HMCN1: variants seen among roughly 807,000 people sequenced by gnomAD.
The protein encoded by HMCN1 is hemicentin-1.
A neutral mutation model predicts 625.9 loss-of-function variants in HMCN1; 321 were observed. The observed-to-expected ratio is 0.51, with a 90% CI of 0.47 to 0.56. HMCN1 has a LOEUF of 0.56. HMCN1 is among the 20% of genes least tolerant of loss of function. The probability of loss-of-function intolerance (pLI) is 0.00; values close to 1 mark genes in which losing one functional copy is unlikely to be tolerated. For missense variants in HMCN1, 6,588 were observed against 6,887.3 expected, an observed-to-expected ratio of 0.96 and a Z score of 1.54; for synonymous variants, 2,425 against 2,417.6, an observed-to-expected ratio of 1.00 and a Z score of -0.09.
chr1:186,116,955 C>T (rs761824820), intron 75 of HMCN1, 39 bp from the exon 76 acceptor site: 2 of 1,608,754 alleles, frequency 1.2e-6, no homozygotes, highest in Non-Finnish European at 8.5e-7. Context: ...TTATGAAAAC[C>T]TACATATAGT....
intron 65 of HMCN1, 26 bp downstream of exon 65, chr1:186,093,284 T>G: frequency 2.5e-6 from 4 of 1,613,124 alleles, no homozygotes; most frequent in Non-Finnish European, 3.4e-6. Flanking sequence ...CCCCCTCTTT[T>G]GATGATGCTG....
Position 186,122,968 on chromosome 1 carries a change from C to G in HMCN1, c.12247C>G (p.Pro4083Ala). 1 of 1,613,852 alleles carries G rather than the reference C, an allele frequency of 6.2e-7. No homozygotes were observed. The highest frequency in any genetic ancestry group is 8.5e-7 in the Non-Finnish European group (1 of 1,179,972). The stretch of plus-strand genomic sequence containing the variant: ...TATTTTAGTTCCTCCAGTCATTAGC[C>G]CTCATCTAAAGGAATATGTTATTGC... ...LNVQVPPVIS[P>A]HLKEYVIAVD... Residue 4083 changes from proline to alanine, a missense_variant, in exon 81 of 107, where the codon CCT (proline) becomes GCT (alanine). By Grantham distance (27) the Pro-to-Ala change is conservative. Around this residue, in one of 3 missense-constraint regions of HMCN1, gnomAD observed 1,954 missense variants for 2,013.1 expected, o/e 0.97. Coordinates refer to ENST00000271588, the MANE Select transcript of HMCN1 (RefSeq NM_031935.3).
Position 186,179,109 on chromosome 1 carries a change from C to T in HMCN1, c.16294+343C>T, listed in dbSNP as rs576607962. Reference sequence around the variant, plus strand: ...AGAGGATGTAAATATTGCCACATAACGTAATGCCATCAGATTATGGCCACA... The same window carrying T: ...AGAGGATGTAAATATTGCCACATAATGTAATGCCATCAGATTATGGCCACA... On this transcript the variant is annotated intron_variant, in intron 104 of 106. Coordinates refer to ENST00000271588, the MANE Select transcript of HMCN1 (RefSeq NM_031935.3). 1.1e-4 allele frequency among the ~76,000 whole-genome samples: 16 copies of T among 152,156 alleles called. No individual in the cohort carries two copies. The East Asian group carries it at 1.2e-3, about 11-fold the overall frequency.
At chr1:186,018,057 T>G in intron 33 of HMCN1, 126 bp from the exon 34 acceptor site, 1 of 883,310 alleles carries the variant, frequency 1.1e-6, no homozygotes, top group Non-Finnish European at 1.8e-6. Flanking sequence ...CTTTTTCATT[T>G]ACAATTTATT....
chr1:186,087,692 G>A, intron 60 of HMCN1, 47 bp downstream of exon 60: 1 of 1,558,140 alleles, frequency 6.4e-7, no homozygotes, highest in South Asian at 1.1e-5. Context: ...TTGGTGGGGT[G>A]GTGGAAAAGA....
rs868851615 is a variant in HMCN1 at position 186,088,618 on chromosome 1, C to T, written c.9590C>T (p.Ser3197Leu). The change falls in exon 63 of 107, where the codon TCA becomes TTA. Residue 3197 changes from serine to leucine, a missense_variant. Ser to Leu is a moderately radical substitution (Grantham distance 145, BLOSUM62 -2). Transcript: ENST00000271588. The stretch of plus-strand genomic sequence containing the variant: ...TTTCTACCTCTAGAAAATTCTGACT[C>T]ACTGGAAGTTCGTATTTTGTCTGGA... The part of the protein sequence containing the change: ...KNHKRIENSD[S>L]LEVRILSGGS... 6.2e-7 allele frequency: 1 copy of T among 1,611,654 alleles called. No homozygotes were observed. The highest frequency in any genetic ancestry group is 8.5e-7 in the Non-Finnish European group (1 of 1,178,622).
chr1:186,086,180 T>C lies in HMCN1; in HGVS notation c.8885-66T>C, dbSNP rs556969354. 1.3e-5 allele frequency: 19 copies of C among 1,417,296 alleles called. No homozygotes were observed. In the East Asian group the frequency reaches 4.1e-4, roughly 31 times the overall value. The allele number at this position is 1,417,296 out of a possible 1,614,324, so 87.8% of individuals were successfully genotyped here. On this transcript the variant is annotated intron_variant, in intron 57 of 106. Coordinates refer to ENST00000271588, the MANE Select transcript of HMCN1 (RefSeq NM_031935.3). ...TAGCAGAGTACAGTGGTTGGATTTA[T>C]ATTTAGTAAATGGGAATATATGTTG...
chr1:185,770,670 T>C (rs1307172536), intron 1 of HMCN1, among the ~76,000 whole-genome samples: 1 of 152,208 alleles, frequency 6.6e-6, no homozygotes, highest in Non-Finnish European at 1.5e-5. Flanking sequence ...GTTTCTAAGT[T>C]ATGGCAGTGT....
chr1:185,906,172 ACTT>A, intron 4 of HMCN1, among the ~76,000 whole-genome samples: 1 of 151,916 alleles, frequency 6.6e-6, no homozygotes, highest in Admixed American at 6.6e-5. Flanking sequence ...CAGAAACTGC[ACTT>A]ATGGTACATT....
intron 11 of HMCN1, among the ~76,000 whole-genome samples, chr1:185,945,245 T>C (rs1668277223): frequency 6.6e-6 from 1 of 152,242 alleles, no homozygotes; most frequent in South Asian, 2.1e-4. Flanking sequence ...ATGAGATCTT[T>C]ATTTATGCTA....
chr1:186,158,501 G>A (rs1488297660), intron 97 of HMCN1, among the ~76,000 whole-genome samples: 1 of 152,180 alleles, frequency 6.6e-6, no homozygotes, highest in African/African-American at 2.4e-5. Context: ...TAGACATGAA[G>A]TCCTTGCCTG....
At chr1:185,838,891 C>G (rs901362536) in intron 1 of HMCN1, among the ~76,000 whole-genome samples, 2 of 152,118 alleles carry the variant, frequency 1.3e-5, no homozygotes, top group Non-Finnish European at 2.9e-5. Flanking sequence ...TGAATTGAAG[C>G]AAGTATTTAG....
At chr1:185,896,995 G>C (rs1665529164) in intron 4 of HMCN1, among the ~76,000 whole-genome samples, 2 of 152,046 alleles carry the variant, frequency 1.3e-5, no homozygotes, top group African/African-American at 4.8e-5. Context: ...GATGCCTCTT[G>C]AACCAACTTT....
Position 186,144,721 on chromosome 1 carries a change from T to A in HMCN1, c.14266+18T>A. On this transcript the variant is annotated intron_variant, in intron 91 of 106. Coordinates refer to ENST00000271588, the MANE Select transcript of HMCN1 (RefSeq NM_031935.3). Reference sequence around the variant, plus strand: ...TTGCCCAAGTGAGTGTTGGAAATAGTGAGTCAACATTATACTTTCATAAAG... The same window carrying A: ...TTGCCCAAGTGAGTGTTGGAAATAGAGAGTCAACATTATACTTTCATAAAG... 6.2e-7 allele frequency: 1 copy of A among 1,612,758 alleles called. No homozygotes were observed. Among genetic ancestry groups the A allele is most frequent in the Non-Finnish European group, 8.5e-7 (1 of 1,178,760 alleles).
rs753251897 is a variant in HMCN1 at position 186,172,072 on chromosome 1, A to G, written c.15755A>G (p.Tyr5252Cys). Residue 5252 changes from tyrosine (Y) to cysteine (C), a missense_variant, in exon 102 of 107, where the codon TAT becomes TGT. By Grantham distance (194) the Tyr-to-Cys change is radical. Coordinates refer to ENST00000271588, the MANE Select transcript of HMCN1 (RefSeq NM_031935.3). Reference sequence around the variant, plus strand: ...CACTGTAAGAACACCCGTGGTGGCTATAAGTGCATTGATCTTTGTCCAAAT... The same window carrying G: ...CACTGTAAGAACACCCGTGGTGGCTGTAAGTGCATTGATCTTTGTCCAAAT... ...DQHCKNTRGG[Y>C]KCIDLCPNGM... 6.2e-6 allele frequency: 10 copies of G among 1,613,742 alleles called. No homozygotes were observed. The highest frequency in any genetic ancestry group is 1.7e-5 in the Admixed American group (1 of 59,994).
chr1:186,138,200 G>T (rs1175158413), intron 89 of HMCN1, among the ~76,000 whole-genome samples: 1 of 152,114 alleles, frequency 6.6e-6, no homozygotes, highest in South Asian at 2.1e-4. Flanking sequence ...CTTGAAGAAA[G>T]GGTCCAAACT....
At position 186,172,104 on chromosome 1, in the gene HMCN1, A is replaced by G. The variant is rs752005863; in HGVS notation, c.15787A>G (p.Thr5263Ala). The part of the protein sequence containing the change: ...KCIDLCPNGM[T>A]KAENGTCIDI... ...CATTGATCTTTGTCCAAATGGAATG[A>G]CCAAGGCAGAAAATGGAACCTGTAT... Residue 5263 changes from threonine to alanine, a missense_variant, in exon 102 of 107, where the codon ACC (threonine) becomes GCC (alanine). Thr to Ala is a moderately conservative substitution (Grantham distance 58). Around this residue, in one of 3 missense-constraint regions of HMCN1, gnomAD observed 1,954 missense variants for 2,013.1 expected, o/e 0.97. Transcript: ENST00000271588. The G allele has an allele frequency of 1.9e-6, 3 of 1,613,848 alleles. No homozygotes were observed. Among genetic ancestry groups the G allele is most frequent in the Middle Eastern group, 3.3e-4 (2 of 6,060 alleles).
intron 65 of HMCN1, 52 bp from the exon 66 acceptor site, chr1:186,093,432 TAG>T: frequency 1.3e-6 from 2 of 1,588,716 alleles, no homozygotes; most frequent in Non-Finnish European, 1.7e-6. Flanking sequence ...TTATTTGAAC[TAG>T]TATTACATAA....
chr1:185,828,658 A>T (rs1331692585), intron 1 of HMCN1, among the ~76,000 whole-genome samples: 1 of 152,174 alleles, frequency 6.6e-6, no homozygotes, highest in African/African-American at 2.4e-5. Context: ...AATCCTATAC[A>T]GCACCACAAG....
Sources: allele counts gnomAD v4.1 joint callset (sites outside exome capture counted in the v4.1 genomes callset), GRCh38; gene constraint gnomAD v4.1.1; regional missense constraint gnomAD v4.1.1; transcripts MANE v1.5; gene names NCBI Gene and HGNC (gene_info 2026-07-23, HGNC 2026-07-21).